The following NDUFC1 variants were observed in gnomAD, a reference collection of about 807,000 sequenced individuals.
NDUFC1 encodes the protein NADH dehydrogenase [ubiquinone] 1 subunit C1, mitochondrial.
A neutral mutation model predicts 11.6 loss-of-function variants in NDUFC1; 11 were observed. That is an observed-to-expected ratio of 0.95 (90% CI 0.60 to 1.58). The LOEUF is 1.58. Ranked by LOEUF, NDUFC1 falls within the 40% of genes most tolerant of loss-of-function variation. The probability of loss-of-function intolerance (pLI) is 0.00; values close to 1 mark genes in which losing one functional copy is unlikely to be tolerated. For missense variants in NDUFC1, 112 were observed against 93.0 expected, an observed-to-expected ratio of 1.20 and a Z score of -0.84; for synonymous variants, 52 against 42.2, an observed-to-expected ratio of 1.23 and a Z score of -0.90.
At chr4:139,301,927 C>T (rs1745776172) in intron 1 of NDUFC1, 1 of 1,318,370 alleles carries the variant, frequency 7.6e-7, no homozygotes, top group East Asian at 2.7e-5. Flanking sequence ...GAGCCACTCC[C>T]GCCCGGGACC....
chr4:139,292,907 T>C (rs900381307), intron 4 of NDUFC1, among the ~76,000 whole-genome samples: 1 of 151,814 alleles, frequency 6.6e-6, no homozygotes, highest in Non-Finnish European at 1.5e-5. Flanking sequence ...TGCAACCTCC[T>C]TCTTCTGGGT....
At chr4:139,295,173 T>C in intron 3 of NDUFC1, 27 bp from the exon 4 acceptor site, 1 of 1,583,222 alleles carries the variant, frequency 6.3e-7, no homozygotes, top group Non-Finnish European at 8.7e-7. Flanking sequence ...GTCTGTAAAT[T>C]TGTAACTTAC....
rs145569583 is a variant in NDUFC1, at chr4:139,294,293, T to C, written c.171+750A>G. ...ACACACTATGTACAATTTCCAACAA[T>C]GTATTTATACAAACATTGATTAAAA... On this transcript the variant is annotated intron_variant, in intron 4 of 5. Transcript: ENST00000394223. 7.6e-4 allele frequency among the ~76,000 whole-genome samples: 116 copies of C among 152,206 alleles called. 1 individual carries two copies. The South Asian group carries it at 0.022, about 29-fold the overall frequency.
rs896042204 is a variant in NDUFC1 at position 139,295,616 on chromosome 4, C to G, written c.67+116G>C. 6.0e-6 allele frequency: 7 copies of G among 1,161,916 alleles called. No individual in the cohort carries two copies. In the African/African-American group the frequency reaches 1.1e-4, roughly 18 times the overall value. The allele number at this position is 1,161,916 out of a possible 1,614,324, so 72.0% of individuals were successfully genotyped here. A position where few individuals can be genotyped will look rare whatever the true frequency, so the allele number is the denominator to read the frequency against. On this transcript the variant is annotated intron_variant, in intron 3 of 5. Coordinates refer to ENST00000394223, the MANE Select transcript of NDUFC1 (RefSeq NM_001184989.2). ...GGCTGGGCCTTGGGTCGTCTGCCGGCGAAGGTCACTGCAGGACGAACCCGG... is the reference window on the plus strand; with the variant it reads ...GGCTGGGCCTTGGGTCGTCTGCCGGGGAAGGTCACTGCAGGACGAACCCGG...
intron 1 of NDUFC1, chr4:139,301,309 C>T (rs1421334258): frequency 1.0e-5 from 4 of 391,542 alleles, no homozygotes; most frequent in Admixed American, 8.7e-5. Context: ...CCCGTAGCTC[C>T]GCGGGCGCTT....
In NDUFC1 at chr4:139,301,514, T is replaced by C. The variant is rs571780756; in HGVS notation, c.-222+902A>G. ...CCGCGTCCGCCATTTTGGCTGCCTC[T>C]GTCGGTCTGTTCAGTTACCACGTGA... On this transcript the variant is annotated intron_variant, in intron 1 of 5. Transcript: ENST00000394223. The C allele has an allele frequency of 1.5e-5, 7 of 469,258 alleles. No individual in the cohort carries two copies. The South Asian group carries it at 2.1e-4, about 14-fold the overall frequency. The allele number at this position is 469,258 out of a possible 1,614,324, so 29.1% of individuals were successfully genotyped here.
chr4:139,293,213 T>C (rs764932609), intron 4 of NDUFC1, among the ~76,000 whole-genome samples: 1 of 152,232 alleles, frequency 6.6e-6, no homozygotes, highest in Non-Finnish European at 1.5e-5. Context: ...TAAATCAATA[T>C]GATACAGCAC....
chr4:139,301,526 C>T (rs1469862618), intron 1 of NDUFC1: 2 of 551,648 alleles, frequency 3.6e-6, no homozygotes, highest in Admixed American at 3.3e-5. Context: ...TCGGTCTGTT[C>T]AGTTACCACG....
intron 5 of NDUFC1, among the ~76,000 whole-genome samples, chr4:139,292,059 G>T (rs902369141): frequency 7.2e-5 from 11 of 152,070 alleles, no homozygotes; most frequent in Non-Finnish European, 1.3e-4. Context: ...GGATGGTCTT[G>T]ATCTCCTGAC....
chr4:139,294,329 G>A (rs1745362798), intron 4 of NDUFC1, among the ~76,000 whole-genome samples: 1 of 152,176 alleles, frequency 6.6e-6, no homozygotes, highest in African/African-American at 2.4e-5. Context: ...CCTAATGGAA[G>A]TCTACTGGGA....
intron 1 of NDUFC1, among the ~76,000 whole-genome samples, chr4:139,298,368 G>A (rs1745553884): frequency 6.6e-6 from 1 of 151,526 alleles, no homozygotes; most frequent in Admixed American, 6.6e-5. Flanking sequence ...GAACCCAGGA[G>A]GCAGAGTTGC....
At chr4:139,294,585 A>G (rs1300304703) in intron 4 of NDUFC1, among the ~76,000 whole-genome samples, 1 of 151,166 alleles carries the variant, frequency 6.6e-6, no homozygotes, top group African/African-American at 2.4e-5. Context: ...CAATACAAAA[A>G]TTAGCCGGGC....
At chr4:139,290,378 T>C (rs542611409) in intron 5 of NDUFC1, among the ~76,000 whole-genome samples, 7 of 148,358 alleles carry the variant, frequency 4.7e-5, no homozygotes, top group Admixed American at 4.1e-4. Context: ...CTCCTGGGCA[T>C]ATGCTATCCC....
intron 4 of NDUFC1, among the ~76,000 whole-genome samples, chr4:139,293,554 G>C (rs1378551001): frequency 6.6e-6 from 1 of 152,122 alleles, no homozygotes; most frequent in East Asian, 1.9e-4. Flanking sequence ...AAAAAGATGA[G>C]TTACTATTAA....
chr4:139,295,162 G>A lies in NDUFC1; in HGVS notation c.68-16C>T, dbSNP rs1158460907. ...CGCACTGAAGCTGAAAGGGGAAGAG[G>A]GTCTGTAAATTTGTAACTTACTGCC... On this transcript the variant is annotated splice_polypyrimidine_tract_variant and intron_variant, in intron 3 of 5. Transcript: ENST00000394223. 2.5e-6 allele frequency: 4 copies of A among 1,607,916 alleles called. No individual in the cohort carries two copies. The highest frequency in any genetic ancestry group is 3.4e-6 in the Non-Finnish European group (4 of 1,174,548).
intron 1 of NDUFC1, chr4:139,301,966 T>TG (rs1490452283): frequency 7.7e-6 from 7 of 907,856 alleles, no homozygotes; most frequent in Non-Finnish European, 1.2e-5. Context: ...TCAGGCCGAA[T>TG]GCATTGCTTT....
chr4:139,294,692 G>A (rs1231472721), intron 4 of NDUFC1, among the ~76,000 whole-genome samples: 1 of 147,750 alleles, frequency 6.8e-6, no homozygotes, highest in Non-Finnish European at 1.5e-5. Context: ...CCGAGATCAC[G>A]CCACTGCACT....
intron 5 of NDUFC1, among the ~76,000 whole-genome samples, chr4:139,291,787 G>A (rs1235476875): frequency 2.0e-5 from 3 of 151,616 alleles, no homozygotes; most frequent in Admixed American, 6.6e-5. Context: ...TGCTATGAAA[G>A]CAAAGTGTAA....
intron 4 of NDUFC1, among the ~76,000 whole-genome samples, chr4:139,294,204 A>C (rs1745356223): frequency 6.6e-6 from 1 of 151,800 alleles, no homozygotes; most frequent in Non-Finnish European, 1.5e-5. Context: ...TGGCCTCCCA[A>C]AGTGCTGGGA....
Sources: gnomAD v4.1 joint callset for allele counts (sites outside exome capture counted in the v4.1 genomes callset) on GRCh38, gnomAD v4.1.1 for gene constraint, MANE v1.5 for transcripts, NCBI Gene and HGNC (gene_info 2026-07-23, HGNC 2026-07-21) for gene names.